The following PSME4 variants were observed in gnomAD, a reference collection of about 807,000 sequenced individuals.
PSME4 encodes the protein proteasome activator complex subunit 4.
A neutral mutation model predicts 253.9 loss-of-function variants in PSME4; 89 were observed. That is an observed-to-expected ratio of 0.35 (90% CI 0.30 to 0.42). The LOEUF (loss-of-function observed/expected upper bound fraction) is 0.42. PSME4 is among the 10% of genes least tolerant of loss of function. The pLI, the probability that PSME4 is intolerant of heterozygous loss-of-function variation, is 1.00. For synonymous variants in PSME4, 851 were observed against 759.2 expected (o/e 1.12, Z -1.99); for missense variants, 2,014 against 2,195.2 (o/e 0.92, Z 1.65).
rs201904633 is a variant in PSME4 at position 53,942,367 on chromosome 2, G to GT, written c.501-2368dup. On this transcript the variant is annotated intron_variant, in intron 3 of 46. Coordinates refer to ENST00000404125, the MANE Select transcript of PSME4 (RefSeq NM_014614.3). ...AAAGTGATAACAATTCAAAACACTT[G>GT]TTTTTTTTTTTAAAATCAAAAGGGA... 2.1e-3 allele frequency: 315 copies of GT among 147,870 alleles called. 4 individuals carry two copies. The East Asian group carries it at 0.025, about 12-fold the overall frequency. The allele number at this position is 147,870 out of a possible 1,614,324, so 9.2% of individuals were successfully genotyped here. A position where few individuals can be genotyped will look rare whatever the true frequency, so the allele number is the denominator to read the frequency against.
intron 3 of PSME4, among the ~76,000 whole-genome samples, chr2:53,943,846 C>CA (rs5831284): frequency 0.011 from 904 of 81,224 alleles, 4 homozygotes; most frequent in Non-Finnish European, 0.016. Context: ...AACTCCATCT[C>CA]AAAAAAAAAA....
At chr2:53,875,787 A>G in intron 41 of PSME4, 32 bp from the exon 42 acceptor site, 1 of 1,596,792 alleles carries the variant, frequency 6.3e-7, no homozygotes, top group Non-Finnish European at 8.5e-7. Context: ...ACAAAAATGG[A>G]AAAATAATTG....
rs1035463003 is a variant in PSME4 at position 53,920,363 on chromosome 2, A to G, written c.2263-13T>C. On this transcript the variant is annotated splice_polypyrimidine_tract_variant and intron_variant, in intron 18 of 46. Transcript: ENST00000404125. Reference sequence around the variant, plus strand: ...GTTTGCCCCAGTCCTAGAAGAGAACAGCATCTACTCAGCAAGTTGAGAAAT... The same window carrying G: ...GTTTGCCCCAGTCCTAGAAGAGAACGGCATCTACTCAGCAAGTTGAGAAAT... 1.9e-6 allele frequency: 3 copies of G among 1,587,364 alleles called. No individual in the cohort carries two copies. In the African/African-American group the frequency reaches 4.1e-5, roughly 21 times the overall value.
intron 41 of PSME4, among the ~76,000 whole-genome samples, chr2:53,880,786 T>C (rs1326439784): frequency 2.0e-5 from 3 of 152,186 alleles, no homozygotes; most frequent in African/African-American, 7.2e-5. Context: ...AAATGGTAAA[T>C]ACTCAACAGT....
At chr2:53,909,681 C>T (rs980118337) in intron 21 of PSME4, among the ~76,000 whole-genome samples, 7 of 152,020 alleles carry the variant, frequency 4.6e-5, no homozygotes, top group African/African-American at 1.4e-4. Context: ...CATTTTAGGC[C>T]GGGCAGGGTG....
chr2:53,883,036 GA>G (rs562425220), intron 41 of PSME4, among the ~76,000 whole-genome samples: 407 of 151,834 alleles, frequency 2.7e-3, no homozygotes, highest in Non-Finnish European at 4.1e-3. Flanking sequence ...ATAATTTTAA[GA>G]AAAAAAGATA....
At position 53,899,885 on chromosome 2, in the gene PSME4, GGGCATC is replaced by G; in HGVS notation, c.3412_3417del (p.Asp1138_Ala1139del). ...AGTACACCATTCATCAATTACCTTA[GGGCATC>G]GGCATTCTTTTCCTGTTGGCGTTTA... On this transcript the variant is annotated inframe_deletion, in exon 29 of 47. Coordinates refer to ENST00000404125, the MANE Select transcript of PSME4 (RefSeq NM_014614.3). 6.2e-7 allele frequency: 1 copy of G among 1,613,354 alleles called. No homozygotes were observed.
intron 15 of PSME4, 55 bp from the exon 16 acceptor site, chr2:53,923,173 T>C: frequency 2.0e-6 from 3 of 1,507,874 alleles, no homozygotes; most frequent in East Asian, 2.3e-5. Flanking sequence ...ATATACAAGA[T>C]TATATTTTCA....
In PSME4 at chr2:53,948,525, A is replaced by C; in HGVS notation, c.396T>G (p.Leu132=). ...GTAACTCCAAATCAGCTCTTGAAAG[A>C]AGTTCCTTTTTCCTAAAAAGTAAAA... is the stretch of plus-strand genomic sequence containing the variant. ...LLINLLKKKE[L]LSRADLELPW... Residue 132 remains leucine (L), a synonymous_variant, in exon 3 of 47, where the codon CTT becomes CTG. Transcript: ENST00000404125. 6.2e-7 allele frequency: 1 copy of C among 1,609,056 alleles called. No homozygotes were observed. The highest frequency in any genetic ancestry group is 8.5e-7 in the Non-Finnish European group (1 of 1,175,672).
At chr2:53,949,426 A>G (rs1250744407) in intron 1 of PSME4, 143 bp from the exon 2 acceptor site, 1 of 451,868 alleles carries the variant, frequency 2.2e-6, no homozygotes, top group Non-Finnish European at 3.8e-6. Flanking sequence ...AATGTGGCAT[A>G]TACAACACAA....
At chr2:53,918,849 T>C (rs1668174737) in intron 20 of PSME4, among the ~76,000 whole-genome samples, 1 of 152,184 alleles carries the variant, frequency 6.6e-6, no homozygotes, top group Non-Finnish European at 1.5e-5. Context: ...TTTTCCTTTT[T>C]AAAAGAACAG....
At chr2:53,946,317 C>T (rs1234490983) in intron 3 of PSME4, among the ~76,000 whole-genome samples, 18 of 152,184 alleles carry the variant, frequency 1.2e-4, no homozygotes, top group Non-Finnish European at 1.5e-5. Context: ...AAAATACTTT[C>T]AGAAGCAGCC....
In PSME4 at chr2:53,923,130, T is replaced by C. The variant is rs1290856378; in HGVS notation, c.1909-12A>G. The C allele has an allele frequency of 3.1e-6, 5 of 1,595,770 alleles. No homozygotes were observed. In the Admixed American group the frequency reaches 8.8e-5, roughly 28 times the overall value. The stretch of plus-strand genomic sequence containing the variant: ...TCTTCTGGGCAGCACTGAAAATGTA[T>C]TTGTATAAGTAAGGCTTTTTTGAAA... On this transcript the variant is annotated splice_polypyrimidine_tract_variant and intron_variant, in intron 15 of 46. Transcript: ENST00000404125.
At chr2:53,960,087 C>T (rs1371969363) in intron 1 of PSME4, among the ~76,000 whole-genome samples, 5 of 152,154 alleles carry the variant, frequency 3.3e-5, no homozygotes, top group Non-Finnish European at 5.9e-5. Context: ...TCAAAATAAT[C>T]TGACCATCTG....
At chr2:53,921,491 C>T (rs918088394) in intron 17 of PSME4, among the ~76,000 whole-genome samples, 6 of 151,178 alleles carry the variant, frequency 4.0e-5, no homozygotes, top group East Asian at 2.0e-4. Flanking sequence ...GTGATCCGCC[C>T]GCCTCGGCCT....
chr2:53,869,307 T>C (rs1292523803), intron 44 of PSME4, 69 bp downstream of exon 44: 3 of 1,384,752 alleles, frequency 2.2e-6, no homozygotes, highest in Non-Finnish European at 2.9e-6. Flanking sequence ...ATTCAATAAA[T>C]ATGAGTAAGC....
chr2:53,915,682 A>T (rs1420561461), intron 20 of PSME4, among the ~76,000 whole-genome samples: 2 of 152,218 alleles, frequency 1.3e-5, no homozygotes, highest in East Asian at 3.9e-4. Context: ...ACTAATACAC[A>T]CACGGCAATC....
intron 29 of PSME4, among the ~76,000 whole-genome samples, chr2:53,899,117 T>G (rs1349621457): frequency 6.6e-6 from 1 of 152,190 alleles, no homozygotes; most frequent in African/African-American, 2.4e-5. Context: ...CAGGCTGAAC[T>G]GCAGGGGCAC....
intron 27 of PSME4, among the ~76,000 whole-genome samples, chr2:53,902,106 A>G (rs1385131944): frequency 6.6e-6 from 1 of 152,200 alleles, no homozygotes; most frequent in African/African-American, 2.4e-5. Flanking sequence ...ATGGCTACTA[A>G]TAAGGTAATA....
Sources: gnomAD v4.1 joint callset for allele counts (sites outside exome capture counted in the v4.1 genomes callset) on GRCh38, gnomAD v4.1.1 for gene constraint, MANE v1.5 for transcripts, NCBI Gene and HGNC (gene_info 2026-07-23, HGNC 2026-07-21) for gene names.